AMOTL2: variants seen among roughly 807,000 people sequenced by gnomAD.
The protein encoded by AMOTL2 is angiomotin like 2.
A neutral mutation model predicts 78.4 loss-of-function variants in AMOTL2; 33 were observed. The observed-to-expected ratio is 0.42, with a 90% CI of 0.32 to 0.56. AMOTL2 has a LOEUF of 0.56. Among genes scored for constraint, AMOTL2 ranks in the 20% least tolerant of loss-of-function variants. AMOTL2 has a pLI of 0.12. For synonymous variants in AMOTL2, 422 were observed against 428.8 expected, an observed-to-expected ratio of 0.98 and a Z score of 0.20; for missense variants, 983 against 1,030.1, an observed-to-expected ratio of 0.95 and a Z score of 0.63.
chr3:134,373,732 G>A, intron 1 of AMOTL2: 1 of 985,438 alleles, frequency 1.0e-6, no homozygotes, highest in Non-Finnish European at 1.2e-6. Flanking sequence ...GCCGGTGAGG[G>A]TAGCCCGAGG....
chr3:134,359,165 G>A, intron 8 of AMOTL2, 118 bp downstream of exon 8: 1 of 1,115,176 alleles, frequency 9.0e-7, no homozygotes, highest in South Asian at 1.5e-5. Flanking sequence ...TCCCCTGGAA[G>A]AGGGTCAGGA....
At position 134,359,597 on chromosome 3, in the gene AMOTL2, C is replaced by CT. The variant is rs1039688250; in HGVS notation, c.1884-95_1884-94insA. 1.0e-5 allele frequency: 10 copies of CT among 1,001,734 alleles called. No individual in the cohort carries two copies. In the Admixed American group the frequency reaches 1.8e-4, roughly 18 times the overall value. The allele number at this position is 1,001,734 out of a possible 1,614,324, so 62.1% of individuals were successfully genotyped here. A position where few individuals can be genotyped will look rare whatever the true frequency, so the allele number is the denominator to read the frequency against. The stretch of plus-strand genomic sequence containing the variant: ...CATAGGAGTTAGAGGAAAAGCCCCC[C>CT]CCAACTCCCCCAACCCTGCCAGGCT... On this transcript the variant is annotated intron_variant, in intron 7 of 9. Transcript: ENST00000249883.
In AMOTL2 at chr3:134,361,695, A is replaced by G. The variant is rs1251691627; in HGVS notation, c.1392T>C (p.Asn464=). 1.9e-6 allele frequency: 3 copies of G among 1,611,002 alleles called. No homozygotes were observed. Among genetic ancestry groups the G allele is most frequent in the African/African-American group, 2.7e-5 (2 of 74,896 alleles). Reference sequence around the variant, plus strand: ...CGGCTCGAGCTGCCCGGCCCTGCGCATTGCCCAGAGCCTGCTCCAGCAGCT... The same window carrying G: ...CGGCTCGAGCTGCCCGGCCCTGCGCGTTGCCCAGAGCCTGCTCCAGCAGCT... ...RAELLEQALG[N]AQGRAARAEE... is the part of the protein sequence containing the mutation. Residue 464 remains asparagine, a synonymous_variant, in exon 6 of 10, where the codon AAT becomes AAC. Transcript: ENST00000249883.
chr3:134,368,881 C>T (rs1432072132), intron 2 of AMOTL2, among the ~76,000 whole-genome samples: 3 of 152,140 alleles, frequency 2.0e-5, no homozygotes, highest in Middle Eastern at 3.2e-3. Flanking sequence ...GCAAGAGGCA[C>T]GGGGAGTCCA....
upstream of AMOTL2, chr3:134,375,256 A>G (rs1405413373): frequency 1.3e-6 from 2 of 1,535,510 alleles, 1 homozygote; most frequent in East Asian, 4.9e-5. Context: ...GCGCCCCTTT[A>G]CGCAGAGTGC....
intron 3 of AMOTL2, 37 bp downstream of exon 3, chr3:134,367,456 CTCTT>C: frequency 6.3e-7 from 1 of 1,596,526 alleles, no homozygotes; most frequent in Non-Finnish European, 8.5e-7. Context: ...CCCTCGGGGT[CTCTT>C]TCTGGTCTGC....
intron 5 of AMOTL2, among the ~76,000 whole-genome samples, chr3:134,364,174 C>A (rs2017500471): frequency 1.3e-5 from 2 of 151,930 alleles, no homozygotes; most frequent in Non-Finnish European, 2.9e-5. Flanking sequence ...CAAAGCCGGG[C>A]GAAGGGCGCC....
At chr3:134,366,236 TC>T (rs774611712) in intron 4 of AMOTL2, 46 bp downstream of exon 4, 2 of 1,570,270 alleles carry the variant, frequency 1.3e-6, no homozygotes, top group Non-Finnish European at 1.7e-6. Flanking sequence ...AAGAAGTAAG[TC>T]CTCTGCAGAG....
rs139298691 is a variant in AMOTL2, at chr3:134,365,885, C to T, written c.1211G>A (p.Arg404His). 4,463 of 1,614,200 alleles carry T rather than the reference C, an allele frequency of 2.8e-3. 18 individuals are homozygous for T. Among genetic ancestry groups the T allele is most frequent in the Non-Finnish European group, 2.9e-3 (3,423 of 1,180,026 alleles). Reference protein sequence around the residue: ...LRERLESANRRLASKTQEAQA... With the variant: ...LRERLESANRHLASKTQEAQA... ...GGCCTCCTGTGTCTTGCTTGCCAGG[C>T]GGCGATTTGCAGATTCCAATCTCTC... is the stretch of plus-strand genomic sequence containing the variant. The change falls in exon 5 of 10, where the codon CGC becomes CAC. Residue 404 changes from arginine to histidine, a missense_variant. Transcript: ENST00000249883.
Position 134,373,528 on chromosome 3 carries a change from C to A in AMOTL2, c.-62+814G>T, listed in dbSNP as rs538458627. On this transcript the variant is annotated intron_variant, in intron 1 of 9. Transcript: ENST00000249883. ...CCCGGCCGCGAACCTCTGCTGCACTCGCCCGCTGCGCTCTCTGAAGGCCGC... is the reference window on the plus strand; with the variant it reads ...CCCGGCCGCGAACCTCTGCTGCACTAGCCCGCTGCGCTCTCTGAAGGCCGC... 94 of 985,628 alleles carry A rather than the reference C, an allele frequency of 9.5e-5. No homozygotes were observed. In the Admixed American group the frequency reaches 1.4e-3, roughly 14 times the overall value. 61.1% of individuals were successfully genotyped at this position (985,628 alleles called of 1,614,324 possible).
At chr3:134,373,952 C>T (rs1035531863) in intron 1 of AMOTL2, 15 of 559,956 alleles carry the variant, frequency 2.7e-5, no homozygotes, top group Non-Finnish European at 3.4e-5. Flanking sequence ...CTGTAACCCC[C>T]ACCTAACCAA....
chr3:134,359,356 T>C lies in AMOTL2; in HGVS notation c.2031A>G (p.Ala677=). ...AGAGCCCTTGCCAGCCCTGGGTTCC[T>C]GCTGCCGCAGCCGCGAAAACAGATG... ...SVPSVFAAAA[A]GTQGWQGLSS... is the part of the protein sequence containing the mutation. The change falls in exon 8 of 10, where the codon GCA becomes GCG. Residue 677 remains alanine, a synonymous_variant. Coordinates refer to ENST00000249883, the MANE Select transcript of AMOTL2 (RefSeq NM_016201.4). 6.2e-7 allele frequency: 1 copy of C among 1,614,206 alleles called. No homozygotes were observed. The highest frequency in any genetic ancestry group is 8.5e-7 in the Non-Finnish European group (1 of 1,180,032).
intron 9 of AMOTL2, 129 bp from the exon 10 acceptor site, chr3:134,357,892 G>T: frequency 1.1e-6 from 1 of 945,748 alleles, no homozygotes; most frequent in Non-Finnish European, 1.7e-6. Context: ...CAGGTTCCCA[G>T]AACTCGGCCA....
chr3:134,374,369 G>T lies in AMOTL2; in HGVS notation c.-89C>A. On this transcript the variant is annotated 5_prime_UTR_variant, in exon 1 of 10. In the 5' UTR this introduces an upstream ATG that the reference lacks. Coordinates refer to ENST00000249883, the MANE Select transcript of AMOTL2 (RefSeq NM_016201.4). The stretch of plus-strand genomic sequence containing the variant: ...CTGCGGCCCGAGGGTGCCCAGCGCA[G>T]TCAGACACCACAACCTCCGGCTCGG... The T allele has an allele frequency of 1.0e-6, 1 of 968,834 alleles. No individual in the cohort carries two copies. Among genetic ancestry groups the T allele is most frequent in the Non-Finnish European group, 1.2e-6 (1 of 825,526 alleles). The allele number at this position is 968,834 out of a possible 1,614,324, so 60.0% of individuals were successfully genotyped here. A position where few individuals can be genotyped will look rare whatever the true frequency, so the allele number is the denominator to read the frequency against.
At chr3:134,360,942 G>A (rs2017328898) in intron 6 of AMOTL2, among the ~76,000 whole-genome samples, 1 of 152,228 alleles carries the variant, frequency 6.6e-6, no homozygotes, top group African/African-American at 2.4e-5. Context: ...GGGAGGCCAA[G>A]GTCGGCGGAC....
chr3:134,370,873 CAGCTGTGGGA>C lies in AMOTL2; in HGVS notation c.551_560del (p.Phe184TrpfsTer10), dbSNP rs749346756. ...GTGGGGGGCCCTGCTGGTTGCGGGC[CAGCTGTGGGA>C]AGCTGTGGGAGGAGCTCATGTGGCT... On this transcript the variant is annotated frameshift_variant, in exon 2 of 10. Coordinates refer to ENST00000249883, the MANE Select transcript of AMOTL2 (RefSeq NM_016201.4). LOFTEE classifies it high-confidence loss of function. 4 of 1,608,794 alleles carry C rather than the reference CAGCTGTGGGA, an allele frequency of 2.5e-6. No individual in the cohort carries two copies. The highest frequency in any genetic ancestry group is 3.4e-6 in the Non-Finnish European group (4 of 1,176,678).
chr3:134,373,250 C>T (rs923828336), intron 1 of AMOTL2, among the ~76,000 whole-genome samples: 13 of 152,106 alleles, frequency 8.5e-5, no homozygotes, highest in Non-Finnish European at 1.6e-4. Context: ...TCAGTTCGCC[C>T]TGGAGTTTTA....
chr3:134,372,547 A>ACACG (rs1380592938), intron 1 of AMOTL2, among the ~76,000 whole-genome samples: 10 of 151,646 alleles, frequency 6.6e-5, no homozygotes, highest in African/African-American at 2.4e-4. Context: ...ACACACACAC[A>ACACG]CACACACACA....
At position 134,359,358 on chromosome 3, in the gene AMOTL2, C is replaced by T; in HGVS notation, c.2029G>A (p.Ala677Thr). ...SVPSVFAAAAAGTQGWQGLSS... is the reference protein window; with the variant it reads ...SVPSVFAAAATGTQGWQGLSS... ...AGCCCTTGCCAGCCCTGGGTTCCTGCTGCCGCAGCCGCGAAAACAGATGGC... is the reference window on the plus strand; with the variant it reads ...AGCCCTTGCCAGCCCTGGGTTCCTGTTGCCGCAGCCGCGAAAACAGATGGC... The change falls in exon 8 of 10, where the codon GCA (alanine) becomes ACA (threonine). Residue 677 changes from alanine to threonine, a missense_variant. Ala to Thr is a moderately conservative substitution (Grantham distance 58). Transcript: ENST00000249883. The T allele has an allele frequency of 3.7e-6, 6 of 1,614,214 alleles. No homozygotes were observed. The highest frequency in any genetic ancestry group is 5.1e-6 in the Non-Finnish European group (6 of 1,180,042).
Sources: allele counts gnomAD v4.1 joint callset (sites outside exome capture counted in the v4.1 genomes callset), GRCh38; gene constraint gnomAD v4.1.1; transcripts MANE v1.5; gene names NCBI Gene and HGNC (gene_info 2026-07-23, HGNC 2026-07-21).